CSNK2A1: variants seen among roughly 807,000 people sequenced by gnomAD.
The protein encoded by CSNK2A1 is casein kinase 2 alpha 1.
Under a neutral mutation model 62.9 loss-of-function variants are expected in CSNK2A1, and 10 were observed. The observed-to-expected ratio is 0.16, with a 90% CI of 0.10 to 0.27. The LOEUF (loss-of-function observed/expected upper bound fraction) is 0.27. CSNK2A1 is among the 10% of genes least tolerant of loss of function. CSNK2A1 has a pLI of 1.00. For synonymous variants in CSNK2A1, 124 were observed against 167.8 expected, an observed-to-expected ratio of 0.74 and a Z score of 2.02; for missense variants, 160 against 492.0, an observed-to-expected ratio of 0.33 and a Z score of 6.38.
intron 1 of CSNK2A1, among the ~76,000 whole-genome samples, chr20:533,646 C>T (rs879645531): frequency 6.6e-6 from 1 of 152,178 alleles, no homozygotes; most frequent in African/African-American, 2.4e-5. Context: ...AACCAATACA[C>T]GGAAGTATTA....
chr20:524,309 G>A, intron 2 of CSNK2A1, among the ~76,000 whole-genome samples: 1 of 151,160 alleles, frequency 6.6e-6, no homozygotes, highest in East Asian at 1.9e-4. Flanking sequence ...TGTAGTCCCA[G>A]CTGCTCTTAG....
At chr20:496,688 A>G (rs987166724) in intron 7 of CSNK2A1, 4 of 152,202 alleles carry the variant, frequency 2.6e-5, no homozygotes, top group African/African-American at 9.7e-5. Context: ...GGGGATTTCT[A>G]AGGCTCCAAC....
intron 2 of CSNK2A1, among the ~76,000 whole-genome samples, chr20:523,096 T>C (rs1170671296): frequency 6.6e-6 from 1 of 152,150 alleles, no homozygotes; most frequent in Non-Finnish European, 1.5e-5. Context: ...ATTTTCAACA[T>C]TACAAGTTAA....
chr20:482,445 C>T lies in CSNK2A1; in HGVS notation c.*1516G>A, dbSNP rs921511095. 1 of 152,214 alleles carries T rather than the reference C, an allele frequency of 6.6e-6. No individual in the cohort carries two copies. Among genetic ancestry groups the T allele is most frequent in the African/African-American group, 2.4e-5 (1 of 41,442 alleles). The allele number at this position is 152,214 out of a possible 1,614,324, so 9.4% of individuals were successfully genotyped here. Reference sequence around the variant, plus strand: ...ACAAAAACTGGCGACTTTTTCCATCCCCAATCCCTGCACTGCTGAGACACA... The same window carrying T: ...ACAAAAACTGGCGACTTTTTCCATCTCCAATCCCTGCACTGCTGAGACACA... On this transcript the variant is annotated 3_prime_UTR_variant, in exon 14 of 14. Coordinates refer to ENST00000217244, the MANE Select transcript of CSNK2A1 (RefSeq NM_177559.3).
Position 483,767 on chromosome 20 carries a change from TA to T in CSNK2A1, c.*193del, listed in dbSNP as rs971230901. The stretch of plus-strand genomic sequence containing the variant: ...CCCCTGAGTTATGAAAAGTTCGAGT[TA>T]AAAAAAAAAAGAAAAAAGAAAATCA... On this transcript the variant is annotated 3_prime_UTR_variant, in exon 14 of 14. Coordinates refer to ENST00000217244, the MANE Select transcript of CSNK2A1 (RefSeq NM_177559.3). The T allele has an allele frequency of 0.048, 14,917 of 309,012 alleles. 1 individual carries two copies. The highest frequency in any genetic ancestry group is 0.073 in the Middle Eastern group (77 of 1,060). The allele number at this position is 309,012 out of a possible 1,614,324, so 19.1% of individuals were successfully genotyped here. A position where few individuals can be genotyped will look rare whatever the true frequency, so the allele number is the denominator to read the frequency against.
At position 506,128 on chromosome 20, in the gene CSNK2A1, G is replaced by T. The variant is rs547667299; in HGVS notation, c.102-899C>A. On this transcript the variant is annotated intron_variant, in intron 3 of 13. Transcript: ENST00000217244. ...CCTGACCTTGTGATCCGCCCGCCTT[G>T]GCCTCCCAAAGTGCTGGGATTACAG... 6 of 152,016 alleles carry T rather than the reference G, an allele frequency of 3.9e-5. No individual in the cohort carries two copies. The East Asian group carries it at 9.7e-4, about 25-fold the overall frequency. 9.4% of individuals were successfully genotyped at this position (152,016 alleles called of 1,614,324 possible).
In CSNK2A1 at chr20:475,444, A is replaced by G. The variant is rs2017829063; in HGVS notation, c.*8517T>C. 6.9e-6 allele frequency: 1 copy of G among 145,622 alleles called. No individual in the cohort carries two copies. Among genetic ancestry groups the G allele is most frequent in the African/African-American group, 2.6e-5 (1 of 38,262 alleles). The allele number at this position is 145,622 out of a possible 1,614,324, so 9.0% of individuals were successfully genotyped here. A position where few individuals can be genotyped will look rare whatever the true frequency, so the allele number is the denominator to read the frequency against. ...CACCGCACTCCAGCCTGGGTGACAG[A>G]GTTAAGACTCTGACTCAAAAAAAAA... On this transcript the variant is annotated 3_prime_UTR_variant, in exon 14 of 14. Coordinates refer to ENST00000217244, the MANE Select transcript of CSNK2A1 (RefSeq NM_177559.3).
intron 3 of CSNK2A1, 90 bp from the exon 4 acceptor site, chr20:505,319 A>T: frequency 1.1e-6 from 1 of 918,302 alleles, no homozygotes; most frequent in Non-Finnish European, 1.7e-6. Context: ...CTGTAATAGA[A>T]ATAAGAAGTA....
intron 1 of CSNK2A1, among the ~76,000 whole-genome samples, chr20:536,035 T>C (rs1412293073): frequency 1.3e-5 from 2 of 152,106 alleles, no homozygotes; most frequent in African/African-American, 2.4e-5. Flanking sequence ...GAGTCTGAGA[T>C]GGGAATATTA....
intron 2 of CSNK2A1, among the ~76,000 whole-genome samples, chr20:511,328 G>A (rs938313672): frequency 6.6e-6 from 1 of 151,976 alleles, no homozygotes; most frequent in Admixed American, 6.6e-5. Context: ...TGACAGGAGA[G>A]AGACCTCATC....
intron 3 of CSNK2A1, 36 bp downstream of exon 3, chr20:508,415 T>C (rs983337534): frequency 8.1e-6 from 13 of 1,608,758 alleles, no homozygotes; most frequent in South Asian, 2.2e-5. Flanking sequence ...ATTCAGCCCT[T>C]TGAGTGAGTA....
chr20:540,188 T>G (rs1382966229), intron 1 of CSNK2A1, among the ~76,000 whole-genome samples: 1 of 152,228 alleles, frequency 6.6e-6, no homozygotes, highest in African/African-American at 2.4e-5. Context: ...CCCTATTACT[T>G]TCTGTCTCTT....
chr20:486,625 A>G (rs2122503981), intron 12 of CSNK2A1, 163 bp from the exon 13 acceptor site: 1 of 634,058 alleles, frequency 1.6e-6, no homozygotes, highest in Non-Finnish European at 2.6e-6. Context: ...GAATTAGACA[A>G]GTGGTAAAAA....
chr20:524,975 G>C (rs2071376823), intron 2 of CSNK2A1, among the ~76,000 whole-genome samples: 1 of 151,682 alleles, frequency 6.6e-6, no homozygotes, highest in Non-Finnish European at 1.5e-5. Context: ...AGTTAGCTAA[G>C]TATGGTGCAT....
At chr20:543,479 C>T (rs920296705) in intron 1 of CSNK2A1, among the ~76,000 whole-genome samples, 193 bp downstream of exon 1, 1 of 152,182 alleles carries the variant, frequency 6.6e-6, no homozygotes, top group Admixed American at 6.5e-5. Context: ...CGCCCTCCGC[C>T]CTGAGGGGTG....
intron 2 of CSNK2A1, chr20:526,730 C>T (rs1183430807): frequency 1.1e-4 from 17 of 151,714 alleles, no homozygotes; most frequent in African/African-American, 3.2e-4. Context: ...CTGAAGCAGG[C>T]GGATCACAAG....
intron 4 of CSNK2A1, chr20:503,122 T>C (rs529608591): frequency 1.0e-4 from 20 of 192,112 alleles, no homozygotes; most frequent in African/African-American, 4.6e-4. Context: ...AACGTATGTA[T>C]ATATACACAC....
intron 3 of CSNK2A1, among the ~76,000 whole-genome samples, chr20:505,570 A>G (rs751912533): frequency 1.1e-4 from 16 of 151,386 alleles, no homozygotes; most frequent in East Asian, 7.8e-4. Flanking sequence ...CACCGTGTTA[A>G]CCAGGATGGT....
At chr20:490,712 T>C (rs2018210051) in intron 9 of CSNK2A1, among the ~76,000 whole-genome samples, 1 of 151,174 alleles carries the variant, frequency 6.6e-6, no homozygotes. Flanking sequence ...CTCTTTTTTT[T>C]TTTTTTTTAA....
Sources: gnomAD v4.1 joint callset for allele counts (sites outside exome capture counted in the v4.1 genomes callset) on GRCh38, gnomAD v4.1.1 for gene constraint, MANE v1.5 for transcripts, NCBI Gene and HGNC (gene_info 2026-07-23, HGNC 2026-07-21) for gene names.